The following PWWP2A variants were observed in gnomAD, a reference collection of about 807,000 sequenced individuals.
PWWP2A encodes PWWP domain-containing protein 2A.
PWWP2A carries 18 observed loss-of-function variants against 48.5 expected under a neutral mutation model. The ratio of observed to expected loss-of-function variants is 0.37; its 90% CI spans 0.26 to 0.55. The LOEUF is 0.55. Ranked by LOEUF, PWWP2A falls within the 20% of genes least tolerant of loss-of-function variation. The pLI, the probability that PWWP2A is intolerant of heterozygous loss-of-function variation, is 0.81. For missense variants in PWWP2A, 867 were observed against 976.4 expected (o/e 0.89, Z 1.49); for synonymous variants, 396 against 387.7 (o/e 1.02, Z -0.25).
At chr5:160,067,910 G>A (rs1386919673) in intron 2 of PWWP2A, among the ~76,000 whole-genome samples, 2 of 152,230 alleles carry the variant, frequency 1.3e-5, no homozygotes. Context: ...GCCAGGCACC[G>A]TGGCTCACAC....
chr5:160,055,993 A>G, the PWWP2A span, among the ~76,000 whole-genome samples: 8 of 152,206 alleles, frequency 5.3e-5, no homozygotes, highest in Non-Finnish European at 8.8e-5. Context: ...TGTGCAGGGG[A>G]TAACAAGCTT....
chr5:160,083,535 G>A (rs1225112702), intron 2 of PWWP2A, among the ~76,000 whole-genome samples: 2 of 152,334 alleles, frequency 1.3e-5, no homozygotes, highest in African/African-American at 4.8e-5. Context: ...GGGAAGCACA[G>A]CATCTATGCA....
At chr5:160,047,181 G>A in the PWWP2A span, among the ~76,000 whole-genome samples, 1 of 152,076 alleles carries the variant, frequency 6.6e-6, no homozygotes, top group African/African-American at 2.4e-5. Context: ...GTAGTCTAGT[G>A]TCCTGTATCC....
At chr5:160,087,403 G>T (rs111545246), downstream of PWWP2A, among the ~76,000 whole-genome samples, 3 of 151,700 alleles carry the variant, frequency 2.0e-5, no homozygotes, top group African/African-American at 7.2e-5. Context: ...AAAAAGGAGG[G>T]GCTGGGGCAC....
chr5:160,091,959 C>CAT lies in PWWP2A; in HGVS notation c.*421_*422dup, dbSNP rs151332388. 1.2e-3 allele frequency: 1,129 copies of CAT among 938,948 alleles called. 25 individuals are homozygous for CAT. In the East Asian group the frequency reaches 0.068, roughly 57 times the overall value. 58.2% of individuals were successfully genotyped at this position (938,948 alleles called of 1,614,324 possible). On this transcript the variant is annotated 3_prime_UTR_variant, in exon 2 of 2. Coordinates refer to ENST00000307063, the MANE Select transcript of PWWP2A (RefSeq NM_001130864.2). ...TGTCACACAGTGACAGGCTGTATTT[C>CAT]ATATATATATATGTGTATATATACA... is the stretch of plus-strand genomic sequence containing the variant.
the PWWP2A span, among the ~76,000 whole-genome samples, chr5:160,054,466 T>C: frequency 6.6e-6 from 1 of 152,098 alleles, no homozygotes; most frequent in South Asian, 2.1e-4. Context: ...TCTTTAAAAA[T>C]TAGCCAGGCG....
Position 160,064,898 on chromosome 5 carries a change from T to C in PWWP2A, c.*237-1225A>G, listed in dbSNP as rs547804407. On this transcript the variant is annotated intron_variant and NMD_transcript_variant, in intron 4 of 5. Coordinates refer to the PWWP2A transcript ENST00000524050. ...GTACCTTCCTGCTTCTGTTCATTCC[T>C]GTATTCATTTGAGTTTTTGCTTTTA... The C allele has an allele frequency of 4.6e-5, 73 of 1,600,398 alleles. No individual in the cohort carries two copies. In the South Asian group the frequency reaches 7.5e-4, roughly 16 times the overall value.
intron 1 of PWWP2A, among the ~76,000 whole-genome samples, chr5:160,110,384 T>C (rs1046496197): frequency 1.3e-5 from 2 of 152,140 alleles, no homozygotes; most frequent in African/African-American, 2.4e-5. Flanking sequence ...GGTAGTAAGA[T>C]TGTTGTTTTT....
chr5:160,051,084 T>G, the PWWP2A span: 39 of 375,558 alleles, frequency 1.0e-4, no homozygotes, highest in South Asian at 2.1e-4. Context: ...AGGTTTTGGT[T>G]TTTTTTTTTT....
intron 4 of PWWP2A, chr5:160,065,609 G>A (rs2113433564): frequency 3.0e-6 from 1 of 334,064 alleles, no homozygotes; most frequent in East Asian, 8.1e-5. Flanking sequence ...CTCTGGCTTT[G>A]GGAGCAGTGT....
intron 5 of PWWP2A, among the ~76,000 whole-genome samples, chr5:160,062,961 T>C (rs1581132364): frequency 6.6e-6 from 1 of 152,214 alleles, no homozygotes; most frequent in Admixed American, 6.5e-5. Flanking sequence ...TGCCCGAGGC[T>C]GTGCCGCTGC....
At chr5:160,067,619 C>T (rs1248608739) in intron 2 of PWWP2A, among the ~76,000 whole-genome samples, 1 of 152,176 alleles carries the variant, frequency 6.6e-6, no homozygotes, top group Non-Finnish European at 1.5e-5. Flanking sequence ...TAGGATGCTA[C>T]ACAAGGCCAA....
chr5:160,045,513 CATA>C, the PWWP2A span, among the ~76,000 whole-genome samples: 7 of 50,322 alleles, frequency 1.4e-4, no homozygotes, highest in South Asian at 7.4e-4. Context: ...CACACACACA[CATA>C]CACACTCTCT....
At chr5:160,103,374 A>T (rs1756507487) in intron 1 of PWWP2A, among the ~76,000 whole-genome samples, 1 of 152,174 alleles carries the variant, frequency 6.6e-6, no homozygotes, top group Non-Finnish European at 1.5e-5. Flanking sequence ...CACTAAGCAT[A>T]AGTCTATATG....
the PWWP2A span, chr5:160,049,811 C>T: frequency 1.8e-4 from 123 of 693,648 alleles, 1 homozygote; most frequent in Middle Eastern, 2.2e-3. Context: ...GGCGCAGTGG[C>T]TCTTGCCTGT....
In PWWP2A at chr5:160,092,836, T is replaced by A. The variant is rs1468660571; in HGVS notation, c.1814A>T (p.Asp605Val). 1.3e-6 allele frequency: 2 copies of A among 1,551,426 alleles called. No individual in the cohort carries two copies. Among genetic ancestry groups the A allele is most frequent in the Non-Finnish European group, 1.7e-6 (2 of 1,146,982 alleles). ...TGCATGCATACTGCCTGGAGGAAAA[T>A]CAAAGCTTTCAGAAGAACTACACTC... ...NSECSSSESF[D>V]FPPGSMHAPS... Residue 605 changes from aspartate (D) to valine (V), a missense_variant, in exon 2 of 2, where the codon GAT (aspartate) becomes GTT (valine). Asp to Val is a radical substitution (Grantham distance 152). Transcript: ENST00000307063.
intron 1 of PWWP2A, among the ~76,000 whole-genome samples, chr5:160,099,545 T>C (rs767018871): frequency 1.3e-5 from 2 of 152,110 alleles, no homozygotes; most frequent in Non-Finnish European, 2.9e-5. Flanking sequence ...CAGAGTAGTC[T>C]TGAACTCCTG....
downstream of PWWP2A, among the ~76,000 whole-genome samples, chr5:160,059,467 C>T (rs1236012899): frequency 6.6e-6 from 1 of 152,202 alleles, no homozygotes; most frequent in African/African-American, 2.4e-5. Context: ...CTAGAACTTT[C>T]TCCATATAAG....
chr5:160,055,585 G>A, the PWWP2A span, among the ~76,000 whole-genome samples: 18 of 152,234 alleles, frequency 1.2e-4, no homozygotes, highest in African/African-American at 4.3e-4. Context: ...CATGATATCA[G>A]GCCCTACCCC....
Sources: allele counts gnomAD v4.1 joint callset (sites outside exome capture counted in the v4.1 genomes callset), GRCh38; gene constraint gnomAD v4.1.1; transcripts MANE v1.5; gene names NCBI Gene and HGNC (gene_info 2026-07-23, HGNC 2026-07-21).